MLLT10: variants seen among roughly 807,000 people sequenced by gnomAD.
The protein encoded by MLLT10 is MLLT10 histone lysine methyltransferase DOT1L cofactor, also known as protein AF-10.
A neutral mutation model predicts 129.1 loss-of-function variants in MLLT10; 30 were observed. That is an observed-to-expected ratio of 0.23 (90% CI 0.17 to 0.32). MLLT10 has a LOEUF of 0.32. Ranked by LOEUF, MLLT10 falls within the 10% of genes least tolerant of loss-of-function variation. The pLI is 1.00. For synonymous variants in MLLT10, 490 were observed against 446.4 expected, an observed-to-expected ratio of 1.10 and a Z score of -1.23; for missense variants, 1,119 against 1,268.3, an observed-to-expected ratio of 0.88 and a Z score of 1.79.
chr10:21,560,618 T>A (rs2038685807), intron 3 of MLLT10, among the ~76,000 whole-genome samples: 1 of 152,022 alleles, frequency 6.6e-6, no homozygotes, highest in Admixed American at 6.6e-5. Flanking sequence ...CACCTAATTT[T>A]ATTGATTTTT....
At chr10:21,556,622 AT>A in intron 3 of MLLT10, 3 of 1,585,094 alleles carry the variant, frequency 1.9e-6, no homozygotes, top group Non-Finnish European at 2.6e-6. Flanking sequence ...TGAATAAGGG[AT>A]TGTTTTGATT....
At chr10:21,704,546 A>G (rs1410069811) in intron 13 of MLLT10, among the ~76,000 whole-genome samples, 1 of 151,108 alleles carries the variant, frequency 6.6e-6, no homozygotes, top group African/African-American at 2.4e-5. Flanking sequence ...ATATTTTTAA[A>G]AACTTTTTAA....
chr10:21,552,770 T>C (rs765730277), intron 3 of MLLT10, among the ~76,000 whole-genome samples: 23 of 152,202 alleles, frequency 1.5e-4, no homozygotes, highest in Non-Finnish European at 3.1e-4. Flanking sequence ...TTCCTTCCTT[T>C]TATCTTCTTT....
intron 3 of MLLT10, among the ~76,000 whole-genome samples, chr10:21,559,368 G>A (rs765861393): frequency 3.3e-5 from 5 of 152,180 alleles, no homozygotes; most frequent in African/African-American, 7.2e-5. Context: ...ATGAGCCACT[G>A]CGCTTGGCAA....
At chr10:21,573,727 C>T (rs1396127124) in intron 3 of MLLT10, among the ~76,000 whole-genome samples, 13 of 151,712 alleles carry the variant, frequency 8.6e-5, no homozygotes, top group East Asian at 1.9e-4. Flanking sequence ...CCACCATGCC[C>T]GGCTAATTTT....
At chr10:21,672,038 A>G (rs2051474500) in intron 10 of MLLT10, among the ~76,000 whole-genome samples, 1 of 152,252 alleles carries the variant, frequency 6.6e-6, no homozygotes, top group East Asian at 1.9e-4. Flanking sequence ...TTTTTAGTAG[A>G]TAAACAAATA....
chr10:21,683,431 A>G (rs183774821), intron 13 of MLLT10, among the ~76,000 whole-genome samples: 31 of 152,324 alleles, frequency 2.0e-4, no homozygotes, highest in Non-Finnish European at 2.6e-4. Flanking sequence ...GAAGTGTAAA[A>G]GCTGAGGATG....
chr10:21,702,680 A>T (rs1338485072), intron 13 of MLLT10, among the ~76,000 whole-genome samples: 1 of 151,648 alleles, frequency 6.6e-6, no homozygotes, highest in Non-Finnish European at 1.5e-5. Context: ...ATAATGACCT[A>T]ATCTTTTTTA....
intron 4 of MLLT10, among the ~76,000 whole-genome samples, chr10:21,593,060 T>C (rs1314346578): frequency 6.6e-6 from 1 of 151,962 alleles, no homozygotes; most frequent in Admixed American, 6.6e-5. Flanking sequence ...CTAATTCTCT[T>C]TTCATCCATG....
intron 9 of MLLT10, among the ~76,000 whole-genome samples, chr10:21,655,523 A>ATT (rs142986163): frequency 6.6e-6 from 1 of 151,602 alleles, no homozygotes; most frequent in African/African-American, 2.4e-5. Context: ...TCTTCTTTTG[A>ATT]TTTTTTTTTA....
intron 14 of MLLT10, among the ~76,000 whole-genome samples, chr10:21,722,868 AATG>A (rs1252475428): frequency 3.3e-5 from 5 of 152,162 alleles, no homozygotes; most frequent in Non-Finnish European, 5.9e-5. Context: ...CCAACCTTAA[AATG>A]ATGACGTTCA....
At chr10:21,726,607 A>T (rs967045081) in intron 15 of MLLT10, among the ~76,000 whole-genome samples, 4 of 152,092 alleles carry the variant, frequency 2.6e-5, no homozygotes, top group Admixed American at 1.3e-4. Flanking sequence ...ATATAATTAC[A>T]AACTGTCAAT....
At chr10:21,626,272 A>G in intron 8 of MLLT10, 1 of 1,461,020 alleles carries the variant, frequency 6.8e-7, no homozygotes, top group Non-Finnish European at 9.6e-7. Context: ...CAAGATCGAT[A>G]CAAGCTATCA....
rs769613970 is a variant in MLLT10 at position 21,733,602 on chromosome 10, G to A, written c.2496+10G>A. 8 of 1,526,964 alleles carry A rather than the reference G, an allele frequency of 5.2e-6. No individual in the cohort carries two copies. In the South Asian group the frequency reaches 6.3e-5, roughly 12 times the overall value. The allele number at this position is 1,526,964 out of a possible 1,614,324, so 94.6% of individuals were successfully genotyped here. ...TCCTGTATTAAATCAGGTAATTTTT[G>A]TATGGTTATTTTCATCTATGTTGAT... On this transcript the variant is annotated intron_variant, in intron 19 of 22. Coordinates refer to ENST00000307729, the MANE Select transcript of MLLT10 (RefSeq NM_001195626.3).
rs985852085 is a variant in MLLT10, at chr10:21,743,417, A to G, written c.*1434A>G. The G allele has an allele frequency of 5.1e-6, 1 of 197,574 alleles. No individual in the cohort carries two copies. Among genetic ancestry groups the G allele is most frequent in the African/African-American group, 2.3e-5 (1 of 43,378 alleles). 12.2% of individuals were successfully genotyped at this position (197,574 alleles called of 1,614,324 possible). On this transcript the variant is annotated 3_prime_UTR_variant, in exon 23 of 23. Coordinates refer to ENST00000307729, the MANE Select transcript of MLLT10 (RefSeq NM_001195626.3). ...TGAAAAGTAAAATTAATTTATTTTT[A>G]TATGTTCAGGGGAATTTTAAAGTCA... is the stretch of plus-strand genomic sequence containing the variant.
intron 5 of MLLT10, among the ~76,000 whole-genome samples, chr10:21,610,491 T>G (rs1200134666): frequency 1.3e-5 from 2 of 152,204 alleles, no homozygotes; most frequent in Non-Finnish European, 2.9e-5. Flanking sequence ...TTTAGTAGAT[T>G]TACTTGGGTA....
intron 13 of MLLT10, among the ~76,000 whole-genome samples, chr10:21,686,477 G>C (rs1000316490): frequency 2.0e-5 from 3 of 151,964 alleles, no homozygotes. Flanking sequence ...ACCTAAATTG[G>C]TGTTTGAAAT....
chr10:21,705,243 T>C (rs189608637), intron 13 of MLLT10, among the ~76,000 whole-genome samples: 36 of 152,254 alleles, frequency 2.4e-4, no homozygotes, highest in African/African-American at 8.2e-4. Flanking sequence ...AGATGGTACA[T>C]GCAGATAGGT....
Position 21,735,238 on chromosome 10 carries a change from A to G in MLLT10, c.2955+3A>G. 1 of 1,602,666 alleles carries G rather than the reference A, an allele frequency of 6.2e-7. No individual in the cohort carries two copies. Among genetic ancestry groups the G allele is most frequent in the Non-Finnish European group, 8.5e-7 (1 of 1,170,308 alleles). On this transcript the variant is annotated splice_donor_region_variant and intron_variant, in intron 21 of 22. Transcript: ENST00000307729. ...TAAATTCTCAACAGCTCACACCAGT[A>G]AGTTCTTTCTTTTGATAATATCTTA...
Sources: allele counts gnomAD v4.1 joint callset (sites outside exome capture counted in the v4.1 genomes callset), GRCh38; gene constraint gnomAD v4.1.1; transcripts MANE v1.5; gene names NCBI Gene and HGNC (gene_info 2026-07-23, HGNC 2026-07-21).